ABCA12: variants seen among roughly 807,000 people sequenced by gnomAD.
The protein encoded by ABCA12 is glucosylceramide transporter ABCA12.
Under a neutral mutation model 293.5 loss-of-function variants are expected in ABCA12, and 156 were observed. The ratio of observed to expected loss-of-function variants is 0.53; its 90% confidence interval spans 0.47 to 0.61. The LOEUF (loss-of-function observed/expected upper bound fraction) is 0.61. ABCA12 is among the 20% of genes least tolerant of loss of function. The pLI, the probability that ABCA12 is intolerant of heterozygous loss-of-function variation, is 0.00. For synonymous variants in ABCA12, 1,063 were observed against 1,108.0 expected (o/e 0.96, Z 0.81); for missense variants, 2,797 against 3,090.2 (o/e 0.91, Z 2.25).
intron 46 of ABCA12, 76 bp downstream of exon 46, chr2:214,948,964 A>C: frequency 2.2e-6 from 3 of 1,359,756 alleles, no homozygotes; most frequent in Non-Finnish European, 3.2e-6. Context: ...ACAAAATAAC[A>C]TTAAATGTTC....
At position 214,991,048 on chromosome 2, in the gene ABCA12, T is replaced by C. The variant is rs769396439; in HGVS notation, c.3295-17A>G. On this transcript the variant is annotated splice_polypyrimidine_tract_variant and intron_variant, in intron 23 of 52. Coordinates refer to ENST00000272895, the MANE Select transcript of ABCA12 (RefSeq NM_173076.3). ...CTTCATGTACTGTAAGAAGAAAAAA[T>C]GTGAGGCGCTTGTTATGCTGATATT... The C allele has an allele frequency of 1.9e-6, 3 of 1,608,290 alleles. No homozygotes were observed. The South Asian group carries it at 3.3e-5, about 18-fold the overall frequency.
chr2:215,064,736 CAT>C (rs1701608571), intron 2 of ABCA12, among the ~76,000 whole-genome samples: 2 of 147,168 alleles, frequency 1.4e-5, no homozygotes, highest in South Asian at 4.3e-4. Context: ...CACACACAAA[CAT>C]GTACTAAAAA....
Position 215,131,612 on chromosome 2 carries a change from T to A in ABCA12, c.69+6528A>T, listed in dbSNP as rs1703056946. Among the ~76,000 whole-genome samples the A allele has an allele frequency of 2.0e-5, 3 of 151,692 alleles. 1 individual carries two copies. The highest frequency in any genetic ancestry group is 7.2e-5 in the African/African-American group (3 of 41,500). On this transcript the variant is annotated intron_variant, in intron 1 of 52. Transcript: ENST00000272895. ...TTATCATTTCTAGTAATTATGTGAA[T>A]CTTTCTTTTTTCCTTAGTCTAGCTG...
At chr2:215,025,502 G>T (rs565660275) in intron 11 of ABCA12, 171 bp downstream of exon 11, 2 of 582,324 alleles carry the variant, frequency 3.4e-6, no homozygotes, top group Admixed American at 6.4e-5. Flanking sequence ...CGTAAGTAGG[G>T]CCATTATAAA....
chr2:215,081,434 G>A (rs548159038), intron 2 of ABCA12, among the ~76,000 whole-genome samples: 2 of 134,978 alleles, frequency 1.5e-5, no homozygotes, highest in Non-Finnish European at 3.1e-5. Context: ...AGCTGAGATC[G>A]TGCCACTGCA....
At chr2:215,129,046 G>C (rs560431705) in intron 1 of ABCA12, among the ~76,000 whole-genome samples, 1 of 152,290 alleles carries the variant, frequency 6.6e-6, no homozygotes, top group South Asian at 2.1e-4. Context: ...TGTGAGCCAA[G>C]AGCAGTGATT....
chr2:214,934,722 T>C (rs1328003001), intron 51 of ABCA12, among the ~76,000 whole-genome samples: 2 of 152,172 alleles, frequency 1.3e-5, no homozygotes, highest in Non-Finnish European at 2.9e-5. Context: ...CTTTCCAATT[T>C]CTTTATTTCG....
chr2:215,026,101 G>A (rs991723028), intron 10 of ABCA12, among the ~76,000 whole-genome samples: 1 of 152,120 alleles, frequency 6.6e-6, no homozygotes, highest in Non-Finnish European at 1.5e-5. Context: ...GGAAAGAATA[G>A]GTTATAGAAT....
At chr2:214,946,294 G>A (rs754873731) in intron 48 of ABCA12, among the ~76,000 whole-genome samples, 9 of 152,068 alleles carry the variant, frequency 5.9e-5, no homozygotes, top group Non-Finnish European at 1.2e-4. Flanking sequence ...CATTGTCACT[G>A]CTCCTGTTTT....
chr2:214,965,145 T>C (rs1699222580), intron 39 of ABCA12, among the ~76,000 whole-genome samples: 1 of 152,140 alleles, frequency 6.6e-6, no homozygotes, highest in Admixed American at 6.6e-5. Flanking sequence ...CCCTATTTAA[T>C]AAATGATGCT....
Position 215,138,211 on chromosome 2 carries a change from T to A in ABCA12, c.-3A>T. ...AGCTGATGAAACAGGGAAGCCATCC[T>A]TCAAATGCCCCAAATGAGAGATTTC... On this transcript the variant is annotated 5_prime_UTR_variant, in exon 1 of 53. It adds an upstream start codon to the 5' untranslated region. Coordinates refer to ENST00000272895, the MANE Select transcript of ABCA12 (RefSeq NM_173076.3). 1 of 1,614,104 alleles carries A rather than the reference T, an allele frequency of 6.2e-7. No individual in the cohort carries two copies. The highest frequency in any genetic ancestry group is 1.3e-5 in the African/African-American group (1 of 75,038).
At chr2:215,102,660 C>T (rs986508577) in intron 2 of ABCA12, among the ~76,000 whole-genome samples, 3 of 152,272 alleles carry the variant, frequency 2.0e-5, no homozygotes, top group South Asian at 4.1e-4. Flanking sequence ...TCTTTCAGTA[C>T]TCAACAAGCA....
intron 42 of ABCA12, 32 bp downstream of exon 42, chr2:214,956,631 A>G (rs761584044): frequency 1.3e-6 from 2 of 1,489,094 alleles, no homozygotes; most frequent in South Asian, 2.3e-5. Context: ...AATTCTATTA[A>G]TTCTTCTTTC....
At chr2:215,035,185 G>A (rs1374835292) in intron 8 of ABCA12, among the ~76,000 whole-genome samples, 1 of 152,144 alleles carries the variant, frequency 6.6e-6, no homozygotes, top group Non-Finnish European at 1.5e-5. Context: ...TGCTCAAACA[G>A]GTAGGGTTTT....
intron 42 of ABCA12, among the ~76,000 whole-genome samples, chr2:214,955,835 C>G (rs981005768): frequency 6.6e-6 from 1 of 152,040 alleles, no homozygotes; most frequent in African/African-American, 2.4e-5. Context: ...AGTAAAAAGC[C>G]TCTTTAAGAA....
chr2:215,040,459 C>CA (rs113706715), intron 7 of ABCA12, among the ~76,000 whole-genome samples: 12,870 of 151,976 alleles, frequency 0.085, 1,527 homozygotes, highest in African/African-American at 0.27. Flanking sequence ...AAAAAAAAGA[C>CA]AAAAAGTATT....
chr2:215,007,714 A>G lies in ABCA12; in HGVS notation c.2592+13T>C, dbSNP rs776031637. 13 of 1,613,884 alleles carry G rather than the reference A, an allele frequency of 8.1e-6. No homozygotes were observed. The South Asian group carries it at 1.4e-4, about 18-fold the overall frequency. The stretch of plus-strand genomic sequence containing the variant: ...AAATTCCTACTAAGTTGAATGACAG[A>G]AGCATCTCATACCTGGAGCATTGGA... On this transcript the variant is annotated intron_variant, in intron 19 of 52. Transcript: ENST00000272895.
chr2:215,053,879 A>AT (rs753084228), intron 4 of ABCA12, among the ~76,000 whole-genome samples: 31 of 151,710 alleles, frequency 2.0e-4, no homozygotes, highest in African/African-American at 7.3e-4. Flanking sequence ...TCGAGCGTTT[A>AT]TTTTTTTTAA....
At chr2:215,008,772 G>A (rs538017327) in intron 18 of ABCA12, among the ~76,000 whole-genome samples, 36 of 151,918 alleles carry the variant, frequency 2.4e-4, no homozygotes, top group African/African-American at 8.2e-4. Flanking sequence ...AAGGGGAGGT[G>A]AGAACCAAAT....
Sources: gnomAD v4.1 joint callset for allele counts (sites outside exome capture counted in the v4.1 genomes callset) on GRCh38, gnomAD v4.1.1 for gene constraint, MANE v1.5 for transcripts, NCBI Gene and HGNC (gene_info 2026-07-23, HGNC 2026-07-21) for gene names.